Variants in LRRC69 observed in about 807,000 individuals in gnomAD.
The protein encoded by LRRC69 is leucine rich repeat containing 69, also known as leucine-rich repeat-containing protein 69.
In LRRC69, 42 loss-of-function variants were observed where a neutral mutation model predicts 37.8. That is an observed-to-expected ratio of 1.11 (90% CI 0.87 to 1.44). The LOEUF (loss-of-function observed/expected upper bound fraction) is 1.44. Ranked by LOEUF, LRRC69 falls within the 40% of genes most tolerant of loss-of-function variation. The pLI is 0.00. For missense variants in LRRC69, 357 were observed against 401.9 expected (o/e 0.89, Z 0.96); for synonymous variants, 141 against 143.1 (o/e 0.99, Z 0.11).
At chr8:91,200,845 G>A in intron 7 of LRRC69, 53 bp downstream of exon 7, 3 of 1,419,114 alleles carry the variant, frequency 2.1e-6, no homozygotes, top group Non-Finnish European at 2.8e-6. Flanking sequence ...CCTATCCTTT[G>A]TTCTTATCTA....
chr8:91,123,130 A>T (rs2130500285), intron 1 of LRRC69, among the ~76,000 whole-genome samples: 1 of 152,192 alleles, frequency 6.6e-6, no homozygotes, highest in Admixed American at 6.5e-5. Flanking sequence ...AGGCAAACAG[A>T]TCATCCCCTG....
chr8:91,209,793 G>A (rs1033407465), intron 7 of LRRC69, among the ~76,000 whole-genome samples: 1 of 152,158 alleles, frequency 6.6e-6, no homozygotes, highest in African/African-American at 2.4e-5. Flanking sequence ...ATCATGTTAA[G>A]GGAATGAGTA....
At chr8:91,123,922 C>CAGA (rs1037107086) in intron 1 of LRRC69, among the ~76,000 whole-genome samples, 1 of 151,484 alleles carries the variant, frequency 6.6e-6, no homozygotes, top group Non-Finnish European at 1.5e-5. Flanking sequence ...ATCTTTTCTA[C>CAGA]GCTCATTATA....
At chr8:91,165,386 A>G (rs897026590) in intron 5 of LRRC69, among the ~76,000 whole-genome samples, 2 of 151,834 alleles carry the variant, frequency 1.3e-5, no homozygotes, top group Non-Finnish European at 2.9e-5. Flanking sequence ...ACTGAATCAC[A>G]AAGGGTGACA....
intron 6 of LRRC69, among the ~76,000 whole-genome samples, chr8:91,197,729 C>T (rs1452658450): frequency 2.6e-5 from 4 of 152,012 alleles, no homozygotes; most frequent in Admixed American, 6.5e-5. Flanking sequence ...ACCCACTGAC[C>T]GGCGCCCACT....
At chr8:91,191,046 C>A (rs116471714) in intron 6 of LRRC69, among the ~76,000 whole-genome samples, 4,901 of 142,562 alleles carry the variant, frequency 0.034, 360 homozygotes, top group African/African-American at 0.12. Context: ...CTCAAACCCC[C>A]CCCCCCCCAA....
intron 4 of LRRC69, among the ~76,000 whole-genome samples, chr8:91,134,079 G>T (rs1000131594): frequency 6.6e-6 from 1 of 151,024 alleles, no homozygotes; most frequent in African/African-American, 2.4e-5. Context: ...CTGCTTGGGA[G>T]ACTGACCTGT....
intron 5 of LRRC69, among the ~76,000 whole-genome samples, chr8:91,187,986 G>A (rs1390315612): frequency 1.3e-5 from 2 of 151,670 alleles, no homozygotes; most frequent in African/African-American, 4.9e-5. Context: ...ATATCCTTTA[G>A]GACAAAAAAG....
At chr8:91,152,143 C>A (rs1386347885) in intron 5 of LRRC69, among the ~76,000 whole-genome samples, 1 of 151,430 alleles carries the variant, frequency 6.6e-6, no homozygotes, top group Non-Finnish European at 1.5e-5. Context: ...TTAATTAGAT[C>A]CCATTTGTCT....
rs1409828049 is a variant in LRRC69 at position 91,135,649 on chromosome 8, C to A, written c.580-19C>A. On this transcript the variant is annotated intron_variant, in intron 4 of 7. Transcript: ENST00000448384. ...AATATTAGATTTAAAAAATCTCTCT[C>A]TTCTGTTTTCTGACACAGGAACTTT... 3.6e-6 allele frequency: 5 copies of A among 1,396,286 alleles called. No homozygotes were observed. Among genetic ancestry groups the A allele is most frequent in the South Asian group, 2.9e-5 (2 of 70,158 alleles). 86.5% of individuals were successfully genotyped at this position (1,396,286 alleles called of 1,614,324 possible). A position where few individuals can be genotyped will look rare whatever the true frequency, so the allele number is the denominator to read the frequency against.
intron 6 of LRRC69, among the ~76,000 whole-genome samples, chr8:91,197,497 T>G (rs1199722870): frequency 6.6e-6 from 1 of 151,842 alleles, no homozygotes; most frequent in African/African-American, 2.4e-5. Flanking sequence ...TCAGCGAGAC[T>G]CCGTGGGCGT....
intron 7 of LRRC69, among the ~76,000 whole-genome samples, chr8:91,204,414 C>T (rs1330473404): frequency 6.6e-6 from 1 of 152,182 alleles, no homozygotes; most frequent in African/African-American, 2.4e-5. Context: ...GGAGTAAATC[C>T]ACTGTGGAGC....
chr8:91,192,921 C>G lies in LRRC69; in HGVS notation c.753+3298C>G, dbSNP rs1383212494. Among the ~76,000 whole-genome samples the G allele has an allele frequency of 2.0e-5, 3 of 152,252 alleles. No individual in the cohort carries two copies. In the East Asian group the frequency reaches 5.8e-4, roughly 29 times the overall value. Reference sequence around the variant, plus strand: ...GTGTTTTAGACATGAAGTCCTTGCCCAAGCCTATGTCCTGAATGGTATTGC... The same window carrying G: ...GTGTTTTAGACATGAAGTCCTTGCCGAAGCCTATGTCCTGAATGGTATTGC... On this transcript the variant is annotated intron_variant, in intron 6 of 7. Coordinates refer to ENST00000448384, the Ensembl canonical transcript of LRRC69.
chr8:91,210,799 C>T (rs1204227759), intron 7 of LRRC69, among the ~76,000 whole-genome samples: 1 of 129,496 alleles, frequency 7.7e-6, no homozygotes, highest in African/African-American at 2.9e-5. Context: ...AAAGAGAAAC[C>T]CATTAGCTAG....
At chr8:91,102,917 GAGAC>G in intron 1 of LRRC69, 73 bp downstream of exon 1, 1 of 1,361,412 alleles carries the variant, frequency 7.3e-7, no homozygotes, top group Non-Finnish European at 9.9e-7. Context: ...AAAGGGGTAA[GAGAC>G]AGAACAATAA....
At chr8:91,161,476 A>G (rs946992481) in intron 5 of LRRC69, among the ~76,000 whole-genome samples, 4 of 151,134 alleles carry the variant, frequency 2.6e-5, no homozygotes, top group African/African-American at 9.7e-5. Context: ...CTCATTACTC[A>G]TTACTGATCT....
intron 5 of LRRC69, among the ~76,000 whole-genome samples, chr8:91,168,732 T>G (rs968298624): frequency 1.3e-5 from 1 of 78,874 alleles, no homozygotes; most frequent in Admixed American, 9.7e-5. Context: ...TTTTTGTGTT[T>G]TGTGTTTTTT....
At chr8:91,133,872 T>A (rs1813855566) in intron 4 of LRRC69, among the ~76,000 whole-genome samples, 1 of 151,994 alleles carries the variant, frequency 6.6e-6, no homozygotes, top group Non-Finnish European at 1.5e-5. Flanking sequence ...GATCTCGTGA[T>A]CCGCCCACCT....
In LRRC69 at chr8:91,145,690, T is replaced by A. The variant is rs117299064; in HGVS notation, c.651+9951T>A. ...CCCTTGTGGGTTCTGTGGTTTTATGTAAGTGATGTAAGCTTAGCTAATATA... is the reference window on the plus strand; with the variant it reads ...CCCTTGTGGGTTCTGTGGTTTTATGAAAGTGATGTAAGCTTAGCTAATATA... On this transcript the variant is annotated intron_variant, in intron 5 of 7. Transcript: ENST00000448384. Among the ~76,000 whole-genome samples, 197 of 151,926 alleles carry A rather than the reference T, an allele frequency of 1.3e-3. 1 individual carries two copies. The highest frequency in any genetic ancestry group is 2.1e-3 in the Non-Finnish European group (141 of 67,966).
Sources: allele counts gnomAD v4.1 joint callset (sites outside exome capture counted in the v4.1 genomes callset), GRCh38; gene constraint gnomAD v4.1.1; transcripts MANE v1.5; gene names NCBI Gene and HGNC (gene_info 2026-07-23, HGNC 2026-07-21).